The following NCOA6 variants were observed in gnomAD, a reference collection of about 807,000 sequenced individuals.
The protein encoded by NCOA6 is nuclear receptor coactivator 6.
In NCOA6, 49 loss-of-function variants were observed where a neutral mutation model predicts 171.4. The observed-to-expected ratio is 0.29, with a 90% CI of 0.23 to 0.36. The LOEUF (loss-of-function observed/expected upper bound fraction) is 0.36, where lower values mean the gene tolerates loss of function less well. Ranked by LOEUF, NCOA6 falls within the 10% of genes least tolerant of loss-of-function variation. The pLI is 1.00. For missense variants in NCOA6, 2,248 were observed against 2,554.5 expected (o/e 0.88, Z 2.59); for synonymous variants, 910 against 927.5 (o/e 0.98, Z 0.34).
intron 14 of NCOA6, among the ~76,000 whole-genome samples, chr20:34,722,752 G>A (rs1263529161): frequency 2.6e-5 from 4 of 151,076 alleles, no homozygotes; most frequent in East Asian, 1.9e-4. Context: ...TTGGGAGGCC[G>A]AGGCAAGTGA....
At chr20:34,800,894 A>G (rs1306746167) in intron 1 of NCOA6, among the ~76,000 whole-genome samples, 3 of 152,172 alleles carry the variant, frequency 2.0e-5, no homozygotes, top group Admixed American at 6.5e-5. Context: ...CATTTAATCC[A>G]ATGGCTGCAG....
intron 5 of NCOA6, among the ~76,000 whole-genome samples, chr20:34,759,498 T>C (rs189051488): frequency 3.3e-5 from 5 of 152,374 alleles, no homozygotes; most frequent in Non-Finnish European, 7.3e-5. Flanking sequence ...TTCTTGTTTA[T>C]TGACCTTTTC....
At position 34,743,313 on chromosome 20, in the gene NCOA6, C is replaced by G; in HGVS notation, c.2943G>C (p.Arg981Ser). The change falls in exon 11 of 15, where the codon AGG (arginine) becomes AGC (serine). Residue 981 changes from arginine to serine, a missense_variant. Around this residue, in one of 7 missense-constraint regions of NCOA6, gnomAD observed 352 missense variants for 419.1 expected, o/e 0.84. Transcript: ENST00000359003. ...GTTGAGGAGGCATCTGCTGAAGTGG[C>G]CTCTGTTCAACTGGTTGAGAAGGAT... ...PGYPSQPVEQ[R>S]PLQQMPPQLM... The G allele has an allele frequency of 6.2e-7, 1 of 1,610,960 alleles. No homozygotes were observed. Among genetic ancestry groups the G allele is most frequent in the Admixed American group, 1.7e-5 (1 of 59,910 alleles).
At chr20:34,784,209 C>CA (rs1246798247) in intron 2 of NCOA6, among the ~76,000 whole-genome samples, 1 of 151,844 alleles carries the variant, frequency 6.6e-6, no homozygotes, top group African/African-American at 2.4e-5. Flanking sequence ...AAAAGTAACT[C>CA]AAACACCGTT....
chr20:34,736,152 T>A (rs2145464165), intron 12 of NCOA6, among the ~76,000 whole-genome samples: 1 of 152,288 alleles, frequency 6.6e-6, no homozygotes, highest in Middle Eastern at 3.4e-3. Flanking sequence ...AGAAATATCA[T>A]CCCTTGTGCT....
At chr20:34,815,669 AC>A (rs2078811862) in intron 1 of NCOA6, among the ~76,000 whole-genome samples, 1 of 152,056 alleles carries the variant, frequency 6.6e-6, no homozygotes, top group Admixed American at 6.6e-5. Context: ...TTGAATGGAG[AC>A]CCTGAAAAGC....
In NCOA6 at chr20:34,742,962, T is replaced by G. The variant is rs764483420; in HGVS notation, c.3294A>C (p.Pro1098=). Residue 1098 remains proline, a synonymous_variant, in exon 11 of 15, where the codon CCA becomes CCC. Transcript: ENST00000359003. ...VPPSPDKQRM[P]MPVNTPLGSN... ...TTCCCAAGGGAGTATTCACAGGCAT[T>G]GGCATTCTTTGTTTATCAGGTGATG... 1.2e-6 allele frequency: 2 copies of G among 1,613,942 alleles called. No individual in the cohort carries two copies. The highest frequency in any genetic ancestry group is 3.3e-5 in the Admixed American group (2 of 60,018).
intron 1 of NCOA6, among the ~76,000 whole-genome samples, chr20:34,795,349 A>G (rs2078028867): frequency 6.6e-6 from 1 of 152,190 alleles, no homozygotes; most frequent in African/African-American, 2.4e-5. Flanking sequence ...CTCAGCAACA[A>G]TCAGAGTGAG....
intron 7 of NCOA6, among the ~76,000 whole-genome samples, chr20:34,755,828 C>T (rs1014669203): frequency 6.6e-6 from 1 of 152,174 alleles, no homozygotes; most frequent in Non-Finnish European, 1.5e-5. Flanking sequence ...CTCCTCCTCC[C>T]AGGTTCAAGC....
chr20:34,749,417 A>C lies in NCOA6; in HGVS notation c.2778T>G (p.Ser926Arg). Residue 926 changes from serine (S) to arginine (R), a missense_variant, in exon 9 of 15, where the codon AGT (serine) becomes AGG (arginine). This residue lies in a region of NCOA6 where 352 missense variants were observed against 419.1 expected (regional missense o/e 0.84). Coordinates refer to ENST00000359003, the MANE Select transcript of NCOA6 (RefSeq NM_014071.5). ...TCACAACCTACTTTAGATCTTGCTGACTATTTTTCTTCTTCCGAGGGGGTT... is the reference window on the plus strand; with the variant it reads ...TCACAACCTACTTTAGATCTTGCTGCCTATTTTTCTTCTTCCGAGGGGGTT... ...KKKPPRKKKN[S>R]QQDLNTPDTR... 2 of 1,603,374 alleles carry C rather than the reference A, an allele frequency of 1.2e-6. No individual in the cohort carries two copies. Among genetic ancestry groups the C allele is most frequent in the Non-Finnish European group, 1.7e-6 (2 of 1,173,042 alleles).
chr20:34,763,580 G>A (rs1278805809), intron 5 of NCOA6, among the ~76,000 whole-genome samples: 1 of 152,108 alleles, frequency 6.6e-6, no homozygotes, highest in Admixed American at 6.6e-5. Context: ...CTTTAACTAG[G>A]AGAAGTATGC....
In NCOA6 at chr20:34,742,729, G is replaced by A. The variant is rs1312661625; in HGVS notation, c.3527C>T (p.Thr1176Ile). Residue 1176 changes from threonine (T) to isoleucine (I), a missense_variant, in exon 11 of 15, where the codon ACT becomes ATT. Physicochemically the swap from Thr to Ile is moderately conservative, Grantham distance 89. Around this residue, in one of 7 missense-constraint regions of NCOA6, gnomAD observed 352 missense variants for 419.1 expected, o/e 0.84. Transcript: ENST00000359003. ...PKPGPSPLSA[T>I]QGATPQQPPV... is the part of the protein sequence containing the mutation. The stretch of plus-strand genomic sequence containing the variant: ...GGGTTGCTGGGGAGTTGCACCTTGA[G>A]TTGCTGAAAGGGGCGATGGTCCAGG... 1.2e-6 allele frequency: 2 copies of A among 1,614,006 alleles called. No individual in the cohort carries two copies. The highest frequency in any genetic ancestry group is 1.7e-6 in the Non-Finnish European group (2 of 1,180,028).
rs1332851808 is a variant in NCOA6 at position 34,817,206 on chromosome 20, T to A, written c.-164+8266A>T. 1.6e-3 allele frequency among the ~76,000 whole-genome samples: 112 copies of A among 68,502 alleles called. 25 individuals carry two copies. Among genetic ancestry groups the A allele is most frequent in the Middle Eastern group, 0.01 (1 of 98 alleles). 44.9% of individuals were successfully genotyped at this position (68,502 alleles called of 152,430 possible). On this transcript the variant is annotated intron_variant, in intron 1 of 14. Coordinates refer to ENST00000359003, the MANE Select transcript of NCOA6 (RefSeq NM_014071.5). Reference sequence around the variant, plus strand: ...CGGAACTGATATTCAACAGATTCAATATCAGTAAAGGAGCTGATTAATGGG... The same window carrying A: ...CGGAACTGATATTCAACAGATTCAAAATCAGTAAAGGAGCTGATTAATGGG...
chr20:34,735,933 C>T (rs2075943446), intron 12 of NCOA6, among the ~76,000 whole-genome samples: 1 of 151,946 alleles, frequency 6.6e-6, no homozygotes, highest in South Asian at 2.1e-4. Flanking sequence ...CTGTGGGGAC[C>T]AGTCATACTT....
At chr20:34,734,756 G>A (rs965305618) in intron 12 of NCOA6, among the ~76,000 whole-genome samples, 1 of 151,820 alleles carries the variant, frequency 6.6e-6, no homozygotes, top group Non-Finnish European at 1.5e-5. Flanking sequence ...AGGTTCAAGC[G>A]ATTCTCCTGC....
chr20:34,783,704 C>A (rs546907889), intron 2 of NCOA6, among the ~76,000 whole-genome samples: 1 of 152,184 alleles, frequency 6.6e-6, no homozygotes, highest in East Asian at 1.9e-4. Context: ...CTCACTGCAA[C>A]CTCCACCTCC....
At chr20:34,723,802 A>G (rs533468490) in intron 14 of NCOA6, among the ~76,000 whole-genome samples, 9 of 152,314 alleles carry the variant, frequency 5.9e-5, no homozygotes, top group Admixed American at 4.6e-4. Flanking sequence ...TAACTGTCCC[A>G]GTTGCTTCTT....
intron 14 of NCOA6, among the ~76,000 whole-genome samples, chr20:34,716,220 A>G (rs1988576434): frequency 6.6e-6 from 1 of 151,406 alleles, no homozygotes; most frequent in South Asian, 2.1e-4. Context: ...CGTCTCAAAA[A>G]AAAAAAAAAA....
At chr20:34,738,183 A>G (rs2076015726) in intron 11 of NCOA6, among the ~76,000 whole-genome samples, 1 of 152,184 alleles carries the variant, frequency 6.6e-6, no homozygotes, top group Non-Finnish European at 1.5e-5. Flanking sequence ...GATTACAGGC[A>G]TGAGCCACCG....
Sources: allele counts gnomAD v4.1 joint callset (sites outside exome capture counted in the v4.1 genomes callset), GRCh38; gene constraint gnomAD v4.1.1; regional missense constraint gnomAD v4.1.1; transcripts MANE v1.5; gene names NCBI Gene and HGNC (gene_info 2026-07-23, HGNC 2026-07-21).